The following HIVEP3 variants were observed in gnomAD, a reference collection of about 807,000 sequenced individuals.
HIVEP3 encodes the protein transcription factor HIVEP3.
HIVEP3 carries 49 observed loss-of-function variants against 152.8 expected under a neutral mutation model. The ratio of observed to expected loss-of-function variants is 0.32; its 90% CI spans 0.26 to 0.41. The LOEUF (loss-of-function observed/expected upper bound fraction) is 0.41, where lower values mean the gene tolerates loss of function less well. Ranked by LOEUF, HIVEP3 falls within the 10% of genes least tolerant of loss-of-function variation. The pLI is 1.00. For synonymous variants in HIVEP3, 1,269 were observed against 1,289.0 expected (o/e 0.98, Z 0.33); for missense variants, 2,790 against 3,103.3 (o/e 0.90, Z 2.40).
chr1:41,920,970 A>C (rs1644938484), upstream of HIVEP3, among the ~76,000 whole-genome samples: 1 of 152,130 alleles, frequency 6.6e-6, no homozygotes, highest in Non-Finnish European at 1.5e-5. Flanking sequence ...CTTTTCAGTA[A>C]AAGTTTTTCT....
At chr1:41,683,255 G>A (rs1224566677) in intron 2 of HIVEP3, among the ~76,000 whole-genome samples, 1 of 152,214 alleles carries the variant, frequency 6.6e-6, no homozygotes, top group Non-Finnish European at 1.5e-5. Context: ...GGTAGGAAAA[G>A]AGCCTTATAT....
chr1:41,524,797 C>A lies in HIVEP3; in HGVS notation c.5321G>T (p.Arg1774Leu). The A allele has an allele frequency of 1.9e-6, 3 of 1,614,124 alleles. No homozygotes were observed. Among genetic ancestry groups the A allele is most frequent in the Non-Finnish European group, 2.5e-6 (3 of 1,179,978 alleles). Reference sequence around the variant, plus strand: ...ATAGGGCCGGACGTCAGTGTGGGTGCGGATGTGTTTCTTCAGCATGCTGGG... The same window carrying A: ...ATAGGGCCGGACGTCAGTGTGGGTGAGGATGTGTTTCTTCAGCATGCTGGG... Reference protein sequence around the residue: ...KKPSMLKKHIRTHTDVRPYVC... With the variant: ...KKPSMLKKHILTHTDVRPYVC... The change falls in exon 6 of 9, where the codon CGC becomes CTC. Residue 1774 changes from arginine (R) to leucine (L), a missense_variant. Arg to Leu is a moderately radical substitution (Grantham distance 102). Coordinates refer to ENST00000372583, the MANE Select transcript of HIVEP3 (RefSeq NM_024503.5).
intron 2 of HIVEP3, among the ~76,000 whole-genome samples, chr1:41,657,167 G>A (rs1477424140): frequency 1.3e-5 from 2 of 152,214 alleles, no homozygotes; most frequent in Non-Finnish European, 2.9e-5. Flanking sequence ...AGCGTAAGGT[G>A]AGAAGCACAA....
chr1:41,611,244 G>A (rs7515066), intron 3 of HIVEP3, among the ~76,000 whole-genome samples: 116,716 of 152,190 alleles, frequency 0.77, 45,648 homozygotes, highest in East Asian at 1. Flanking sequence ...CAAGTCAAGA[G>A]CATTTAATTG....
chr1:41,834,104 G>A (rs191009107), intron 1 of HIVEP3, among the ~76,000 whole-genome samples: 6 of 152,234 alleles, frequency 3.9e-5, no homozygotes, highest in East Asian at 1.9e-4. Context: ...CAGTGAGCCC[G>A]GCTCCCTCTG....
At chr1:41,685,781 T>C (rs1558179356) in intron 2 of HIVEP3, among the ~76,000 whole-genome samples, 1 of 152,366 alleles carries the variant, frequency 6.6e-6, no homozygotes, top group South Asian at 2.1e-4. Context: ...GCACCTTCTG[T>C]GTGATACTCA....
chr1:41,688,017 G>A (rs891617416), intron 2 of HIVEP3, among the ~76,000 whole-genome samples: 1 of 152,258 alleles, frequency 6.6e-6, no homozygotes, highest in Admixed American at 6.5e-5. Context: ...GAGGCTGAGT[G>A]CAGATGGAGG....
At chr1:41,870,317 C>G (rs1200594485) in intron 1 of HIVEP3, among the ~76,000 whole-genome samples, 1 of 152,228 alleles carries the variant, frequency 6.6e-6, no homozygotes, top group East Asian at 1.9e-4. Flanking sequence ...CAAGTGATTA[C>G]TGACCCCCTA....
intron 2 of HIVEP3, among the ~76,000 whole-genome samples, chr1:41,690,524 G>A (rs867888977): frequency 5.3e-5 from 8 of 152,226 alleles, no homozygotes; most frequent in African/African-American, 1.4e-4. Context: ...AACCTAGACC[G>A]GAAGTGCCTT....
intron 2 of HIVEP3, among the ~76,000 whole-genome samples, chr1:41,688,113 A>C (rs1646140100): frequency 6.6e-6 from 1 of 152,208 alleles, no homozygotes; most frequent in Admixed American, 6.5e-5. Context: ...CCTTCAAAGA[A>C]GCCAACTGGG....
At chr1:41,721,727 G>A (rs140787602) in intron 1 of HIVEP3, among the ~76,000 whole-genome samples, 187 of 152,314 alleles carry the variant, frequency 1.2e-3, no homozygotes, top group African/African-American at 4.2e-3. Context: ...AGGAAACTGA[G>A]GCATAGAGGG....
At chr1:42,020,430 A>C (rs2124534740) in intron 1 of HIVEP3, among the ~76,000 whole-genome samples, 1 of 152,152 alleles carries the variant, frequency 6.6e-6, no homozygotes, top group Middle Eastern at 3.4e-3. Flanking sequence ...TACTTGTGTT[A>C]GCTTTGGTAT....
At chr1:41,952,100 G>A (rs11210552) in intron 1 of HIVEP3, among the ~76,000 whole-genome samples, 8,826 of 152,072 alleles carry the variant, frequency 0.058, 894 homozygotes, top group African/African-American at 0.2. Context: ...CTCCTTCAGG[G>A]CTATCTTCCC....
At chr1:41,538,871 G>A (rs1250472183) in intron 5 of HIVEP3, among the ~76,000 whole-genome samples, 1 of 152,130 alleles carries the variant, frequency 6.6e-6, no homozygotes, top group Non-Finnish European at 1.5e-5. Context: ...CCAGCCATGA[G>A]CAGCCCTGGC....
chr1:41,653,267 T>C (rs1230528433), intron 2 of HIVEP3, among the ~76,000 whole-genome samples: 2 of 152,054 alleles, frequency 1.3e-5, no homozygotes, highest in Non-Finnish European at 2.9e-5. Context: ...TATATATATA[T>C]TTGTTCTCTG....
chr1:42,004,422 T>C (rs892396033), intron 1 of HIVEP3, among the ~76,000 whole-genome samples: 1 of 152,156 alleles, frequency 6.6e-6, no homozygotes, highest in African/African-American at 2.4e-5. Context: ...GGAGCTTTTT[T>C]TCATTACTTT....
chr1:41,739,192 T>C (rs1646962231), intron 1 of HIVEP3, among the ~76,000 whole-genome samples: 1 of 152,170 alleles, frequency 6.6e-6, no homozygotes, highest in Non-Finnish European at 1.5e-5. Context: ...GGCTGGGGGT[T>C]TCCGGGCAGC....
At chr1:41,594,112 A>G (rs886498124) in intron 3 of HIVEP3, among the ~76,000 whole-genome samples, 2 of 152,228 alleles carry the variant, frequency 1.3e-5, no homozygotes, top group African/African-American at 4.8e-5. Flanking sequence ...TCTACAAATT[A>G]TCTTTTGCCA....
intron 1 of HIVEP3, among the ~76,000 whole-genome samples, chr1:41,843,768 T>A (rs1311068236): frequency 1.3e-5 from 2 of 152,176 alleles, no homozygotes; most frequent in East Asian, 1.9e-4. Context: ...TGATTTTTTT[T>A]ATTATACTTT....
Sources: allele counts gnomAD v4.1 joint callset (sites outside exome capture counted in the v4.1 genomes callset), GRCh38; gene constraint gnomAD v4.1.1; transcripts MANE v1.5; gene names NCBI Gene and HGNC (gene_info 2026-07-23, HGNC 2026-07-21).